ARHGAP19: variants seen among roughly 807,000 people sequenced by gnomAD.
ARHGAP19 encodes the protein Rho GTPase activating protein 19, also known as rho GTPase-activating protein 19.
ARHGAP19 carries 48 observed loss-of-function variants against 60.9 expected under a neutral mutation model. The ratio of observed to expected loss-of-function variants is 0.79; its 90% CI spans 0.62 to 1.00. The LOEUF (loss-of-function observed/expected upper bound fraction) is 1.00, where lower values mean the gene tolerates loss of function less well. Ranked by LOEUF, ARHGAP19 falls within the 50% of genes least tolerant of loss-of-function variation. The pLI, the probability that ARHGAP19 is intolerant of heterozygous loss-of-function variation, is 0.00. For missense variants in ARHGAP19, 562 were observed against 597.2 expected (o/e 0.94, Z 0.61); for synonymous variants, 209 against 215.5 (o/e 0.97, Z 0.27).
intron 1 of ARHGAP19, among the ~76,000 whole-genome samples, chr10:97,279,202 T>C (rs1436485030): frequency 2.0e-5 from 3 of 152,158 alleles, no homozygotes; most frequent in East Asian, 1.9e-4. Context: ...AAGAGAAAAC[T>C]AAACAGGCCC....
rs557611517 is a variant in ARHGAP19 at position 97,285,770 on chromosome 10, T to G, written c.56+6802A>C. The stretch of plus-strand genomic sequence containing the variant: ...CCTGACCTCAAGTGATCTGCCCGCC[T>G]CGGCCTCCCAAAGTGCTGCGATTAC... On this transcript the variant is annotated intron_variant, in intron 1 of 11. Transcript: ENST00000358531. Among the ~76,000 whole-genome samples the G allele has an allele frequency of 4.6e-4, 70 of 152,298 alleles. 1 individual carries two copies. The highest frequency in any genetic ancestry group is 1.5e-3 in the African/African-American group (63 of 41,580).
intron 4 of ARHGAP19, among the ~76,000 whole-genome samples, chr10:97,261,594 T>A (rs1246307642): frequency 1.3e-5 from 2 of 152,174 alleles, no homozygotes; most frequent in Non-Finnish European, 2.9e-5. Flanking sequence ...AACATTCTAG[T>A]AGTATTTACT....
chr10:97,236,803 G>GAAAAAAAAAAAA (rs71007323), intron 8 of ARHGAP19, among the ~76,000 whole-genome samples: 5 of 80,030 alleles, frequency 6.2e-5, no homozygotes, highest in Admixed American at 1.6e-4. Context: ...AACAGACTCA[G>GAAAAAAAAAAAA]AAAAAAAAAA....
chr10:97,257,533 T>A (rs1564721268), intron 5 of ARHGAP19, among the ~76,000 whole-genome samples: 1 of 152,144 alleles, frequency 6.6e-6, no homozygotes, highest in Non-Finnish European at 1.5e-5. Flanking sequence ...CTCAACCTCC[T>A]GTCCTCAAGC....
At chr10:97,261,485 A>G (rs1184217699) in intron 4 of ARHGAP19, among the ~76,000 whole-genome samples, 4 of 152,212 alleles carry the variant, frequency 2.6e-5, no homozygotes. Context: ...AAACAAAACA[A>G]GCATCCTTCA....
At chr10:97,279,063 C>T (rs776534740) in intron 1 of ARHGAP19, among the ~76,000 whole-genome samples, 1 of 152,162 alleles carries the variant, frequency 6.6e-6, no homozygotes, top group Non-Finnish European at 1.5e-5. Flanking sequence ...TGAAACACAG[C>T]TTTAAATGTG....
In ARHGAP19 at chr10:97,262,995, C is replaced by T. The variant is rs186312943; in HGVS notation, c.613+425G>A. On this transcript the variant is annotated intron_variant, in intron 4 of 11. Coordinates refer to ENST00000358531, the MANE Select transcript of ARHGAP19 (RefSeq NM_032900.6). ...AGGCGTGGTGCCGCACACCTATAGT[C>T]CCAGCTACTTGGGAGGCTGAGGTGG... Among the ~76,000 whole-genome samples the T allele has an allele frequency of 1.3e-4, 20 of 152,192 alleles. No homozygotes were observed. The East Asian group carries it at 3.9e-3, about 29-fold the overall frequency.
At chr10:97,235,100 A>C (rs41284264) in intron 9 of ARHGAP19, 117 bp downstream of exon 9, 1 of 912,502 alleles carries the variant, frequency 1.1e-6, no homozygotes, top group Non-Finnish European at 1.7e-6. Flanking sequence ...ACCCCCTTAT[A>C]AACTAGCCCT....
intron 8 of ARHGAP19, among the ~76,000 whole-genome samples, chr10:97,237,806 G>A (rs921172862): frequency 8.5e-5 from 13 of 152,100 alleles, no homozygotes; most frequent in African/African-American, 3.1e-4. Context: ...GGGAGGCAGA[G>A]GTTGCAGTGA....
chr10:97,263,370 C>A (rs1842855601), intron 4 of ARHGAP19, 50 bp downstream of exon 4: 3 of 1,566,720 alleles, frequency 1.9e-6, no homozygotes, highest in Non-Finnish European at 2.6e-6. Flanking sequence ...AGGAACTTTA[C>A]TAAATTGAAA....
intron 9 of ARHGAP19, among the ~76,000 whole-genome samples, chr10:97,233,176 C>T (rs376041478): frequency 2.8e-4 from 43 of 151,898 alleles, no homozygotes; most frequent in Middle Eastern, 6.8e-3. Context: ...CACAGCAAGA[C>T]CCCATCTCTA....
intron 6 of ARHGAP19, among the ~76,000 whole-genome samples, chr10:97,248,838 G>A (rs999271769): frequency 2.7e-5 from 4 of 150,586 alleles, no homozygotes; most frequent in Non-Finnish European, 5.9e-5. Flanking sequence ...GTTTGTTTGT[G>A]ACAGGGTCTC....
Position 97,264,833 on chromosome 10 carries a change from T to C in ARHGAP19, c.396A>G (p.Leu132=). 1 of 1,609,766 alleles carries C rather than the reference T, an allele frequency of 6.2e-7. No individual in the cohort carries two copies. Among genetic ancestry groups the C allele is most frequent in the Non-Finnish European group, 8.5e-7 (1 of 1,176,394 alleles). ...AATTTCAAGTAGTCTTACTTTTGTGTAGATACTCAATCAGTTGGTATATCT... is the reference window on the plus strand; with the variant it reads ...AATTTCAAGTAGTCTTACTTTTGTGCAGATACTCAATCAGTTGGTATATCT... The part of the protein sequence containing the change: ...IAQIYQLIEY[L]HKNLRVEGLF... Residue 132 remains leucine (L), a synonymous_variant, in exon 3 of 12, where the codon CTA becomes CTG. Coordinates refer to ENST00000358531, the MANE Select transcript of ARHGAP19 (RefSeq NM_032900.6).
At chr10:97,288,807 TCC>T (rs1223318382) in intron 1 of ARHGAP19, among the ~76,000 whole-genome samples, 10 of 142,086 alleles carry the variant, frequency 7.0e-5, no homozygotes, top group South Asian at 2.2e-4. Context: ...CAAACTTCTC[TCC>T]TTTTTTTTTT....
intron 11 of ARHGAP19, among the ~76,000 whole-genome samples, chr10:97,228,254 T>C (rs190522104): frequency 3.9e-5 from 6 of 152,374 alleles, no homozygotes; most frequent in Admixed American, 3.9e-4. Context: ...GTAATTATGC[T>C]CATATCCCAG....
intron 3 of ARHGAP19, 40 bp downstream of exon 3, chr10:97,264,786 T>C: frequency 6.7e-7 from 1 of 1,494,142 alleles, no homozygotes; most frequent in Non-Finnish European, 9.3e-7. Flanking sequence ...AACAGAATTC[T>C]TCATTAAACA....
At chr10:97,247,926 A>G (rs563472892) in intron 6 of ARHGAP19, among the ~76,000 whole-genome samples, 10 of 150,918 alleles carry the variant, frequency 6.6e-5, no homozygotes, top group African/African-American at 2.4e-4. Context: ...ATTAGAAAGG[A>G]TTGAGATTTC....
intron 2 of ARHGAP19, 77 bp downstream of exon 2, chr10:97,265,783 G>A (rs147409932): frequency 1.1e-4 from 161 of 1,532,466 alleles, no homozygotes; most frequent in African/African-American, 8.6e-4. Context: ...GCAACTCTTC[G>A]GTGAATGTGT....
intron 6 of ARHGAP19, among the ~76,000 whole-genome samples, chr10:97,255,467 C>T (rs1313462415): frequency 6.6e-6 from 1 of 152,092 alleles, no homozygotes; most frequent in African/African-American, 2.4e-5. Context: ...GTCCCAGCTA[C>T]TGGGGAGGCT....
Sources: gnomAD v4.1 joint callset for allele counts (sites outside exome capture counted in the v4.1 genomes callset) on GRCh38, gnomAD v4.1.1 for gene constraint, MANE v1.5 for transcripts, NCBI Gene and HGNC (gene_info 2026-07-23, HGNC 2026-07-21) for gene names.